USP40: variants seen among roughly 807,000 people sequenced by gnomAD.
USP40 encodes the protein ubiquitin carboxyl-terminal hydrolase 40.
Under a neutral mutation model 166.2 loss-of-function variants are expected in USP40, and 143 were observed. The ratio of observed to expected loss-of-function variants is 0.86; its 90% CI spans 0.75 to 0.99. USP40 has a LOEUF of 0.99. Ranked by LOEUF, USP40 falls within the 50% of genes least tolerant of loss-of-function variation. The pLI is 0.00. For missense variants in USP40, 1,444 were observed against 1,479.7 expected (o/e 0.98, Z 0.40); for synonymous variants, 498 against 524.0 (o/e 0.95, Z 0.68).
intron 3 of USP40, among the ~76,000 whole-genome samples, chr2:233,560,330 C>T (rs1435005863): frequency 6.6e-6 from 1 of 152,154 alleles, no homozygotes; most frequent in East Asian, 1.9e-4. Context: ...GTTCTCAGCA[C>T]ACCCTGCCTC....
chr2:233,495,254 G>T (rs1325040374), intron 24 of USP40, among the ~76,000 whole-genome samples: 1 of 151,666 alleles, frequency 6.6e-6, no homozygotes, highest in Non-Finnish European at 1.5e-5. Flanking sequence ...CAAATAAAAA[G>T]GAATAAATCT....
In USP40 at chr2:233,521,064, C is replaced by T; in HGVS notation, c.2252G>A (p.Trp751Ter). 6.2e-7 allele frequency: 1 copy of T among 1,613,234 alleles called. No individual in the cohort carries two copies. Among genetic ancestry groups the T allele is most frequent in the Non-Finnish European group, 8.5e-7 (1 of 1,179,580 alleles). Reference sequence around the variant, plus strand: ...CTGGCATAAATTTTTAACGTGGAGCCAGTCAATCTCATTCATACTAGTGAC... The same window carrying T: ...CTGGCATAAATTTTTAACGTGGAGCTAGTCAATCTCATTCATACTAGTGAC... ...KWVTSMNEID[W>*]LHVKNLCQLE... is the part of the protein sequence containing the mutation. Residue 751 changes from tryptophan to a stop codon, truncating the protein, a stop_gained, in exon 17 of 32, where the codon TGG becomes TAG. Coordinates refer to ENST00000678225, the MANE Select transcript of USP40 (RefSeq NM_001365479.2). LOFTEE classifies it high-confidence loss of function.
At chr2:233,532,256 C>T (rs575777056) in intron 11 of USP40, among the ~76,000 whole-genome samples, 136 of 152,262 alleles carry the variant, frequency 8.9e-4, no homozygotes, top group African/African-American at 2.9e-3. Flanking sequence ...AGACTGATTG[C>T]CAGCTATGTC....
rs764984074 is a variant in USP40, at chr2:233,489,368, A to G, written c.3128T>C (p.Leu1043Pro). 6.3e-7 allele frequency: 1 copy of G among 1,586,732 alleles called. No homozygotes were observed. The highest frequency in any genetic ancestry group is 1.2e-5 in the South Asian group (1 of 86,568). The change falls in exon 27 of 32, where the codon CTC (leucine) becomes CCC (proline). Residue 1043 changes from leucine (L) to proline (P), a missense_variant. By Grantham distance (98) the Leu-to-Pro change is moderately conservative. Coordinates refer to ENST00000678225, the MANE Select transcript of USP40 (RefSeq NM_001365479.2). ...GRLLRTDRQPLREYKLGRRIE... is the reference protein window; with the variant it reads ...GRLLRTDRQPPREYKLGRRIE... The stretch of plus-strand genomic sequence containing the variant: ...TTGCGTCCAGCAAGGAACCTACCTG[A>G]GTGGCTGCCGGTCAGTTCGTAAAAG...
rs373992248 is a variant in USP40 at position 233,477,353 on chromosome 2, C to T, written c.*39G>A. Reference sequence around the variant, plus strand: ...GGAAACCCACGTTTGTGGCATCAGCCGGAGAGTTCATCGGGAGTAGAGCCG... The same window carrying T: ...GGAAACCCACGTTTGTGGCATCAGCTGGAGAGTTCATCGGGAGTAGAGCCG... On this transcript the variant is annotated 3_prime_UTR_variant, in exon 32 of 32. Transcript: ENST00000678225. The T allele has an allele frequency of 3.7e-5, 59 of 1,594,274 alleles. No homozygotes were observed. The African/African-American group carries it at 5.8e-4, about 16-fold the overall frequency.
chr2:233,508,280 C>A (rs976485558), intron 21 of USP40, among the ~76,000 whole-genome samples: 1 of 152,134 alleles, frequency 6.6e-6, no homozygotes, highest in African/African-American at 2.4e-5. Context: ...ACTTAAGTTC[C>A]TTTGGCTTGA....
Position 233,540,755 on chromosome 2 carries a change from T to C in USP40, c.1077A>G (p.Leu359=). Residue 359 remains leucine (L), a synonymous_variant, in exon 10 of 32, where the codon CTA becomes CTG. Coordinates refer to ENST00000678225, the MANE Select transcript of USP40 (RefSeq NM_001365479.2). The part of the protein sequence containing the change: ...KAILLEEENN[L]IPVDQLGQKL... ...TCTGGCCCAGCTGATCAACAGGAAT[T>C]AGATTATTCTCCTCCTTATGAGAGA... 6.2e-7 allele frequency: 1 copy of C among 1,612,970 alleles called. No individual in the cohort carries two copies. The highest frequency in any genetic ancestry group is 8.5e-7 in the Non-Finnish European group (1 of 1,179,182).
At chr2:233,497,343 TGAG>T (rs1255180672) in intron 23 of USP40, among the ~76,000 whole-genome samples, 5 of 152,152 alleles carry the variant, frequency 3.3e-5, no homozygotes, top group East Asian at 1.9e-4. Flanking sequence ...ACAAGATTTC[TGAG>T]GAGATTTTCC....
intron 19 of USP40, chr2:233,512,155 A>C (rs2066884419): frequency 5.1e-6 from 1 of 195,620 alleles, no homozygotes. Flanking sequence ...TTTAAAGTTG[A>C]GATTGTTATT....
chr2:233,481,903 T>C (rs541763637), intron 30 of USP40, among the ~76,000 whole-genome samples: 20 of 152,172 alleles, frequency 1.3e-4, no homozygotes, highest in Admixed American at 5.9e-4. Flanking sequence ...GGAGGACGCC[T>C]CAGGGGCGCA....
chr2:233,489,097 A>G (rs2065140498), intron 27 of USP40, among the ~76,000 whole-genome samples: 1 of 152,254 alleles, frequency 6.6e-6, no homozygotes, highest in South Asian at 2.1e-4. Context: ...CCTACTTTCC[A>G]TCTCACTCCA....
At chr2:233,487,730 G>T (rs1218371195) in intron 28 of USP40, 2 of 217,936 alleles carry the variant, frequency 9.2e-6, no homozygotes, top group Admixed American at 5.3e-5. Context: ...AATAATTATT[G>T]ACTATGACAT....
chr2:233,484,642 C>T lies in USP40; in HGVS notation c.3504+889G>A, dbSNP rs370313577. 9.2e-5 allele frequency among the ~76,000 whole-genome samples: 14 copies of T among 152,020 alleles called. No homozygotes were observed. The East Asian group carries it at 9.7e-4, about 11-fold the overall frequency. On this transcript the variant is annotated intron_variant, in intron 30 of 31. Transcript: ENST00000678225. ...GACTACAGGTGTGTGCTACCACACC[C>T]GGCTAATTTTTGTATTTTTTTGTAG...
At chr2:233,566,586 G>T in intron 1 of USP40, 98 bp downstream of exon 1, 1 of 705,828 alleles carries the variant, frequency 1.4e-6, no homozygotes, top group Non-Finnish European at 1.7e-6. Context: ...GGCAGGCCTG[G>T]GCAGCCTCTC....
intron 8 of USP40, among the ~76,000 whole-genome samples, chr2:233,544,953 G>T (rs2069771306): frequency 6.6e-6 from 1 of 152,158 alleles, no homozygotes; most frequent in Admixed American, 6.5e-5. Flanking sequence ...GTTGTTAAGG[G>T]CTGGTAGCGA....
intron 23 of USP40, among the ~76,000 whole-genome samples, chr2:233,497,172 GA>G (rs981257724): frequency 2.6e-5 from 4 of 152,060 alleles, no homozygotes; most frequent in Non-Finnish European, 5.9e-5. Context: ...AATTTCTCAC[GA>G]AAAAAAGGAC....
Position 233,529,425 on chromosome 2 carries a change from A to T in USP40, c.1553+6T>A, listed in dbSNP as rs1385724838. ...TAGTCAAACTCTAAAAGCAATTTAA[A>T]ATTACCTTTTGGTTTGCAGTTCAAT... On this transcript the variant is annotated splice_donor_region_variant and intron_variant, in intron 12 of 31. Coordinates refer to ENST00000678225, the MANE Select transcript of USP40 (RefSeq NM_001365479.2). 6 of 1,557,190 alleles carry T rather than the reference A, an allele frequency of 3.9e-6. No homozygotes were observed. The East Asian group carries it at 1.4e-4, about 37-fold the overall frequency.
chr2:233,515,889 C>G (rs2125181146), intron 18 of USP40, among the ~76,000 whole-genome samples: 1 of 152,298 alleles, frequency 6.6e-6, no homozygotes, highest in East Asian at 1.9e-4. Context: ...AGGTTCATTT[C>G]TGCACATACA....
chr2:233,477,172 G>C lies in USP40; in HGVS notation c.*220C>G, dbSNP rs1020878361. On this transcript the variant is annotated 3_prime_UTR_variant, in exon 32 of 32. Coordinates refer to ENST00000678225, the MANE Select transcript of USP40 (RefSeq NM_001365479.2). ...CCCAGCACCTACTGGCAGCTGGGTG[G>C]GCGACATCCAGAGCTGCACCAGCCC... 5.4e-6 allele frequency: 3 copies of C among 552,504 alleles called. No homozygotes were observed. The highest frequency in any genetic ancestry group is 9.8e-6 in the Non-Finnish European group (3 of 304,894). The allele number at this position is 552,504 out of a possible 1,614,324, so 34.2% of individuals were successfully genotyped here. A position where few individuals can be genotyped will look rare whatever the true frequency, so the allele number is the denominator to read the frequency against.
Sources: allele counts gnomAD v4.1 joint callset (sites outside exome capture counted in the v4.1 genomes callset), GRCh38; gene constraint gnomAD v4.1.1; transcripts MANE v1.5; gene names NCBI Gene and HGNC (gene_info 2026-07-23, HGNC 2026-07-21).